The following JAZF1 variants were observed in gnomAD, a reference collection of about 807,000 sequenced individuals.
JAZF1 encodes the protein juxtaposed with another zinc finger protein 1.
In JAZF1, 8 loss-of-function variants were observed where a neutral mutation model predicts 26.4. That is an observed-to-expected ratio of 0.30 (90% confidence interval 0.18 to 0.55). The LOEUF (loss-of-function observed/expected upper bound fraction) is 0.55, where lower values mean the gene tolerates loss of function less well. JAZF1 is among the 20% of genes least tolerant of loss of function. JAZF1 has a pLI of 0.94. For synonymous variants in JAZF1, 126 were observed against 122.3 expected, an observed-to-expected ratio of 1.03 and a Z score of -0.20; for missense variants, 199 against 322.0, an observed-to-expected ratio of 0.62 and a Z score of 2.92.
chr7:28,090,481 A>G (rs1413012021), intron 1 of JAZF1, among the ~76,000 whole-genome samples: 1 of 152,266 alleles, frequency 6.6e-6, no homozygotes, highest in Non-Finnish European at 1.5e-5. Flanking sequence ...ATTCTAGGCC[A>G]ATTACATGCC....
intron 3 of JAZF1, among the ~76,000 whole-genome samples, chr7:27,856,877 T>G (rs1191100943): frequency 6.6e-6 from 1 of 152,234 alleles, no homozygotes; most frequent in Non-Finnish European, 1.5e-5. Context: ...AGGTGCTGAT[T>G]GTGTTTACAA....
At chr7:28,076,709 CAAAAAAAAAAA>C (rs34918786) in intron 1 of JAZF1, among the ~76,000 whole-genome samples, 4 of 97,452 alleles carry the variant, frequency 4.1e-5, no homozygotes, top group Non-Finnish European at 8.9e-5. Context: ...TTCTCTCTCT[CAAAAAAAAAAA>C]AAAAAAAAAA....
intron 3 of JAZF1, among the ~76,000 whole-genome samples, chr7:27,851,663 C>T (rs1038339705): frequency 3.3e-5 from 5 of 151,956 alleles, no homozygotes; most frequent in African/African-American, 1.2e-4. Flanking sequence ...CACTGTACTC[C>T]GACAAGGCAA....
chr7:28,098,228 T>C (rs1334102040), intron 1 of JAZF1, among the ~76,000 whole-genome samples: 9 of 152,026 alleles, frequency 5.9e-5, no homozygotes, highest in Non-Finnish European at 8.8e-5. Context: ...CCCTGACATA[T>C]GTGGACGTAG....
rs142465901 is a variant in JAZF1, at chr7:27,966,004, A to G, written c.188+25905T>C. The stretch of plus-strand genomic sequence containing the variant: ...TTCTGTATTTTGTCATGAATGTTCA[A>G]GCTGAAAGCTACTGGAAGAATCTGA... On this transcript the variant is annotated intron_variant, in intron 2 of 4. Coordinates refer to ENST00000283928, the MANE Select transcript of JAZF1 (RefSeq NM_175061.4). Among the ~76,000 whole-genome samples, 132 of 152,368 alleles carry G rather than the reference A, an allele frequency of 8.7e-4. 1 individual carries two copies. Among genetic ancestry groups the G allele is most frequent in the African/African-American group, 3.1e-3 (129 of 41,584 alleles).
intron 2 of JAZF1, among the ~76,000 whole-genome samples, chr7:27,932,201 G>GA (rs1158939220): frequency 2.6e-5 from 4 of 152,196 alleles, no homozygotes; most frequent in Admixed American, 2.6e-4. Context: ...GTCATCTGGA[G>GA]TTGGATAGGA....
At chr7:27,841,583 T>A (rs1433245698) in intron 3 of JAZF1, 1 of 152,188 alleles carries the variant, frequency 6.6e-6, no homozygotes, top group African/African-American at 2.4e-5. Context: ...CATGCGACAC[T>A]TCCTGCTAGG....
chr7:28,078,506 G>C (rs1288665167), intron 1 of JAZF1, among the ~76,000 whole-genome samples: 1 of 152,126 alleles, frequency 6.6e-6, no homozygotes, highest in Non-Finnish European at 1.5e-5. Flanking sequence ...GCTACTCAAA[G>C]GCAAAGAAAA....
intron 1 of JAZF1, among the ~76,000 whole-genome samples, chr7:28,114,699 CAG>C (rs1230186336): frequency 4.0e-5 from 6 of 151,058 alleles, no homozygotes; most frequent in Non-Finnish European, 7.4e-5. Context: ...GAGGTGCTCC[CAG>C]TCTGGTGAGG....
chr7:28,129,685 A>G (rs922009814), intron 1 of JAZF1, among the ~76,000 whole-genome samples: 5 of 152,216 alleles, frequency 3.3e-5, no homozygotes, highest in African/African-American at 2.4e-5. Flanking sequence ...GTTTTTAATA[A>G]GTAATTTTTT....
rs1265851001 is a variant in JAZF1, at chr7:28,049,055, C to T, written c.116-57074G>A. Among the ~76,000 whole-genome samples, 10 of 119,222 alleles carry T rather than the reference C, an allele frequency of 8.4e-5. No individual in the cohort carries two copies. The East Asian group carries it at 3.5e-3, about 42-fold the overall frequency. 78.2% of individuals were successfully genotyped at this position (119,222 alleles called of 152,430 possible). ...CCCTCCCCTTCCCTCCCTCCCCTCC[C>T]CTCCCCTCCCTCCCTTCCTCTCTCT... On this transcript the variant is annotated intron_variant, in intron 1 of 4. Coordinates refer to ENST00000283928, the MANE Select transcript of JAZF1 (RefSeq NM_175061.4).
At chr7:28,024,160 G>T (rs1783053801) in intron 1 of JAZF1, among the ~76,000 whole-genome samples, 1 of 151,960 alleles carries the variant, frequency 6.6e-6, no homozygotes, top group Non-Finnish European at 1.5e-5. Flanking sequence ...AATGAATATG[G>T]TGGCACCACC....
chr7:27,872,829 T>C (rs1440571516), intron 3 of JAZF1, among the ~76,000 whole-genome samples: 1 of 152,092 alleles, frequency 6.6e-6, no homozygotes, highest in Non-Finnish European at 1.5e-5. Flanking sequence ...ATTTTTTTTT[T>C]CCCATTGGAA....
intron 2 of JAZF1, among the ~76,000 whole-genome samples, chr7:27,933,006 G>A (rs948897983): frequency 2.6e-4 from 40 of 152,284 alleles, no homozygotes; most frequent in African/African-American, 9.6e-4. Flanking sequence ...ATAAAGGCAG[G>A]CCAGGAGATG....
At chr7:27,862,517 G>A (rs1485081792) in intron 3 of JAZF1, among the ~76,000 whole-genome samples, 2 of 152,132 alleles carry the variant, frequency 1.3e-5, no homozygotes, top group Non-Finnish European at 2.9e-5. Context: ...ACAGAGTAGT[G>A]CAGCCATCAT....
At chr7:28,019,916 T>C (rs1782973958) in intron 1 of JAZF1, among the ~76,000 whole-genome samples, 1 of 152,200 alleles carries the variant, frequency 6.6e-6, no homozygotes, top group African/African-American at 2.4e-5. Context: ...TAACTAGTTG[T>C]AGGAAAGGTA....
At chr7:27,976,096 G>A (rs375729540) in intron 2 of JAZF1, among the ~76,000 whole-genome samples, 1 of 152,288 alleles carries the variant, frequency 6.6e-6, no homozygotes, top group African/African-American at 2.4e-5. Context: ...TGTAATCCCA[G>A]CACTTTGGGA....
At chr7:28,013,618 C>A (rs1369534324) in intron 1 of JAZF1, among the ~76,000 whole-genome samples, 2 of 152,032 alleles carry the variant, frequency 1.3e-5, no homozygotes, top group African/African-American at 2.4e-5. Context: ...CTGAAATGAC[C>A]AAAGCAGTTT....
intron 2 of JAZF1, among the ~76,000 whole-genome samples, chr7:27,917,758 T>C (rs1037767649): frequency 1.3e-5 from 2 of 152,204 alleles, no homozygotes; most frequent in African/African-American, 2.4e-5. Context: ...AAGCAAGCTA[T>C]TTTAAGATCC....
Sources: allele counts gnomAD v4.1 joint callset (sites outside exome capture counted in the v4.1 genomes callset), GRCh38; gene constraint gnomAD v4.1.1; transcripts MANE v1.5; gene names NCBI Gene and HGNC (gene_info 2026-07-23, HGNC 2026-07-21).